The following RBMS1 variants were observed in gnomAD, a reference collection of about 807,000 sequenced individuals.
RBMS1 encodes RNA-binding motif, single-stranded-interacting protein 1.
RBMS1 carries 17 observed loss-of-function variants against 62.3 expected under a neutral mutation model. The ratio of observed to expected loss-of-function variants is 0.27; its 90% CI spans 0.19 to 0.41. RBMS1 has a LOEUF of 0.41. Ranked by LOEUF, RBMS1 falls within the 10% of genes least tolerant of loss-of-function variation. The pLI is 1.00. For missense variants in RBMS1, 334 were observed against 504.5 expected (o/e 0.66, Z 3.24); for synonymous variants, 172 against 170.0 (o/e 1.01, Z -0.09).
At position 160,488,311 on chromosome 2, in the gene RBMS1, C is replaced by T. The variant is rs373878492; in HGVS notation, c.75+4978G>A. Reference sequence around the variant, plus strand: ...ACAGCAGAGGCTGGGCGCAGTGGCTCATGCCTGTAATCCCAGCACTTTGAA... The same window carrying T: ...ACAGCAGAGGCTGGGCGCAGTGGCTTATGCCTGTAATCCCAGCACTTTGAA... On this transcript the variant is annotated intron_variant, in intron 1 of 13. Transcript: ENST00000348849. 2.6e-4 allele frequency among the ~76,000 whole-genome samples: 39 copies of T among 152,344 alleles called. No homozygotes were observed. In the East Asian group the frequency reaches 6.6e-3, roughly 26 times the overall value.
intron 1 of RBMS1, among the ~76,000 whole-genome samples, chr2:160,456,060 T>C (rs2105325807): frequency 6.6e-6 from 1 of 152,138 alleles, no homozygotes; most frequent in East Asian, 1.9e-4. Context: ...GAAAAAGAAA[T>C]ACAGATCAAA....
At chr2:160,382,507 C>T (rs1297748749) in intron 1 of RBMS1, among the ~76,000 whole-genome samples, 1 of 152,156 alleles carries the variant, frequency 6.6e-6, no homozygotes, top group Admixed American at 6.5e-5. Flanking sequence ...CCTTTGCATA[C>T]ATGGGGTATA....
intron 1 of RBMS1, among the ~76,000 whole-genome samples, chr2:160,479,417 A>G (rs1685273158): frequency 6.6e-6 from 1 of 152,156 alleles, no homozygotes; most frequent in South Asian, 2.1e-4. Context: ...GAAAGCACAA[A>G]AGTCTGGCCG....
At chr2:160,300,769 G>T in intron 5 of RBMS1, 39 bp from the exon 6 acceptor site, 1 of 1,491,256 alleles carries the variant, frequency 6.7e-7, no homozygotes, top group Non-Finnish European at 8.9e-7. Context: ...ATATTTAAAG[G>T]TTTCTTAACT....
chr2:160,300,868 C>A, intron 5 of RBMS1, 138 bp from the exon 6 acceptor site: 2 of 941,646 alleles, frequency 2.1e-6, no homozygotes, highest in Non-Finnish European at 2.9e-6. Context: ...GATAAAGGGT[C>A]TATTCTACCT....
Position 160,407,386 on chromosome 2 carries a change from C to A in RBMS1, c.76-39995G>T, listed in dbSNP as rs1672220817. ...CGCCCAGCCGGTCCCTCCGAGGAGG[C>A]GCGGAGCCCCTGAGCGCGGCCCCCT... On this transcript the variant is annotated intron_variant, in intron 1 of 13. Transcript: ENST00000348849. The A allele has an allele frequency of 9.1e-6, 9 of 985,666 alleles. No individual in the cohort carries two copies. In the South Asian group the frequency reaches 3.7e-4, roughly 41 times the overall value. 61.1% of individuals were successfully genotyped at this position (985,666 alleles called of 1,614,324 possible).
intron 1 of RBMS1, among the ~76,000 whole-genome samples, chr2:160,468,650 G>C (rs1684794759): frequency 6.7e-6 from 1 of 149,980 alleles, no homozygotes; most frequent in African/African-American, 2.4e-5. Context: ...AAAATGTATA[G>C]ATTAAGTAGA....
chr2:160,289,145 C>T (rs1459892345), intron 6 of RBMS1, among the ~76,000 whole-genome samples: 1 of 152,006 alleles, frequency 6.6e-6, no homozygotes, highest in Non-Finnish European at 1.5e-5. Context: ...ATAAAGCCTG[C>T]TAAAAATGCA....
At chr2:160,276,206 T>A (rs1422134901) in intron 12 of RBMS1, among the ~76,000 whole-genome samples, 1 of 152,222 alleles carries the variant, frequency 6.6e-6, no homozygotes, top group African/African-American at 2.4e-5. Context: ...ATAGGTCAGG[T>A]TTTATGCTAA....
intron 4 of RBMS1, 69 bp downstream of exon 4, chr2:160,313,087 A>G (rs571620310): frequency 1.4e-6 from 2 of 1,467,020 alleles, no homozygotes; most frequent in East Asian, 4.6e-5. Flanking sequence ...GCAGATAGAA[A>G]AAGCAGACCT....
At chr2:160,340,587 G>A (rs1409917526) in intron 2 of RBMS1, among the ~76,000 whole-genome samples, 1 of 152,012 alleles carries the variant, frequency 6.6e-6, no homozygotes. Flanking sequence ...TCTGAGGCAG[G>A]TGCAAATTCA....
chr2:160,434,972 T>C (rs1055713332), intron 1 of RBMS1, among the ~76,000 whole-genome samples: 1 of 152,050 alleles, frequency 6.6e-6, no homozygotes, highest in Non-Finnish European at 1.5e-5. Flanking sequence ...CGACCCTGAG[T>C]CCTATTGTTA....
intron 13 of RBMS1, 90 bp downstream of exon 13, chr2:160,275,540 G>T (rs370623296): frequency 1.3e-6 from 2 of 1,526,628 alleles, no homozygotes. Flanking sequence ...TAAAATCCGA[G>T]TTATCCCAAT....
At chr2:160,334,581 A>C (rs1414653501) in intron 2 of RBMS1, among the ~76,000 whole-genome samples, 1 of 152,178 alleles carries the variant, frequency 6.6e-6, no homozygotes, top group African/African-American at 2.4e-5. Context: ...GTCAGGTTCC[A>C]CTGAAGCTCT....
intron 1 of RBMS1, among the ~76,000 whole-genome samples, chr2:160,423,192 T>G (rs941339632): frequency 1.3e-5 from 2 of 152,190 alleles, no homozygotes; most frequent in African/African-American, 4.8e-5. Flanking sequence ...GTTTGATTGC[T>G]TGCTTTTCTT....
chr2:160,353,787 A>G (rs575811928), intron 2 of RBMS1, among the ~76,000 whole-genome samples: 1 of 152,220 alleles, frequency 6.6e-6, no homozygotes, highest in South Asian at 2.1e-4. Flanking sequence ...ACATAAAAAG[A>G]CGAAATCAAG....
intron 5 of RBMS1, among the ~76,000 whole-genome samples, chr2:160,301,912 C>T (rs1390397915): frequency 6.6e-6 from 1 of 152,096 alleles, no homozygotes; most frequent in African/African-American, 2.4e-5. Context: ...TAAAAGCAAA[C>T]CCTCAGAAAT....
At chr2:160,404,477 C>A (rs1244520422) in intron 1 of RBMS1, among the ~76,000 whole-genome samples, 1 of 152,110 alleles carries the variant, frequency 6.6e-6, no homozygotes, top group Non-Finnish European at 1.5e-5. Flanking sequence ...AGCAATAAAA[C>A]AATTTGAAAA....
intron 1 of RBMS1, among the ~76,000 whole-genome samples, chr2:160,448,819 T>TC (rs1375064125): frequency 9.4e-5 from 13 of 138,204 alleles, no homozygotes; most frequent in African/African-American, 3.6e-4. Context: ...GAGCGCCTCT[T>TC]CCCGGCCGCC....
Sources: gnomAD v4.1 joint callset for allele counts (sites outside exome capture counted in the v4.1 genomes callset) on GRCh38, gnomAD v4.1.1 for gene constraint, MANE v1.5 for transcripts, NCBI Gene and HGNC (gene_info 2026-07-23, HGNC 2026-07-21) for gene names.